The following MYOM1 variants were observed in gnomAD, a reference collection of about 807,000 sequenced individuals.
MYOM1 encodes myomesin-1.
A neutral mutation model predicts 205.3 loss-of-function variants in MYOM1; 164 were observed. The ratio of observed to expected loss-of-function variants is 0.80; its 90% CI spans 0.70 to 0.91. The LOEUF (loss-of-function observed/expected upper bound fraction) is 0.91, where lower values mean the gene tolerates loss of function less well. Among genes scored for constraint, MYOM1 ranks in the 40% least tolerant of loss-of-function variants. MYOM1 has a pLI of 0.00. For synonymous variants in MYOM1, 772 were observed against 789.4 expected, an observed-to-expected ratio of 0.98 and a Z score of 0.37; for missense variants, 2,011 against 2,127.3, an observed-to-expected ratio of 0.95 and a Z score of 1.08.
chr18:3,093,054 C>T (rs752445249), intron 26 of MYOM1, among the ~76,000 whole-genome samples: 23 of 152,022 alleles, frequency 1.5e-4, no homozygotes, highest in Middle Eastern at 3.2e-3. Flanking sequence ...GGAGAGGAGA[C>T]GGGTCGCAGT....
At chr18:3,151,567 GA>G (rs1567936289) in intron 12 of MYOM1, 126 bp downstream of exon 12, 2 of 746,474 alleles carry the variant, frequency 2.7e-6, no homozygotes, top group Non-Finnish European at 3.9e-6. Flanking sequence ...ATTTTCTGAT[GA>G]AAAAAGGATT....
chr18:3,096,927 G>T (rs1166195176), intron 25 of MYOM1, among the ~76,000 whole-genome samples: 1 of 151,932 alleles, frequency 6.6e-6, no homozygotes, highest in Non-Finnish European at 1.5e-5. Flanking sequence ...TTTTAGCTTT[G>T]TGCATTTCTA....
intron 2 of MYOM1, among the ~76,000 whole-genome samples, chr18:3,200,152 G>A (rs1841189816): frequency 6.6e-6 from 1 of 152,062 alleles, no homozygotes; most frequent in Non-Finnish European, 1.5e-5. Flanking sequence ...CTGGGCAACA[G>A]AGTGAGACTC....
intron 30 of MYOM1, 49 bp downstream of exon 30, chr18:3,085,989 T>C (rs2143692307): frequency 8.3e-7 from 1 of 1,198,638 alleles, no homozygotes; most frequent in Non-Finnish European, 1.2e-6. Flanking sequence ...TGGGGTAAGA[T>C]AGAGGGTAGA....
At chr18:3,138,493 A>G (rs780744453) in intron 14 of MYOM1, among the ~76,000 whole-genome samples, 4 of 152,214 alleles carry the variant, frequency 2.6e-5, no homozygotes, top group Non-Finnish European at 5.9e-5. Context: ...TTCGTCTTCT[A>G]TGAAACGAGC....
intron 29 of MYOM1, among the ~76,000 whole-genome samples, chr18:3,087,360 C>T (rs2079165852): frequency 6.6e-6 from 1 of 151,792 alleles, no homozygotes; most frequent in Non-Finnish European, 1.5e-5. Flanking sequence ...CTGCACCTGC[C>T]CAAAGTGGAT....
intron 20 of MYOM1, 138 bp downstream of exon 20, chr18:3,119,731 T>G (rs754251408): frequency 2.1e-4 from 225 of 1,074,242 alleles, no homozygotes; most frequent in Non-Finnish European, 2.5e-4. Flanking sequence ...TTAAAATATT[T>G]TAGGTAAACA....
intron 20 of MYOM1, among the ~76,000 whole-genome samples, chr18:3,118,973 A>T (rs533249559): frequency 3.9e-5 from 6 of 152,328 alleles, no homozygotes; most frequent in South Asian, 4.1e-4. Flanking sequence ...AGGAAGCAAG[A>T]GGCACCAGGG....
At chr18:3,091,315 TAAA>T (rs747420612) in intron 26 of MYOM1, among the ~76,000 whole-genome samples, 3 of 138,346 alleles carry the variant, frequency 2.2e-5, no homozygotes, top group Admixed American at 7.3e-5. Context: ...AAACTCTGTC[TAAA>T]AAAAAAAAAA....
chr18:3,102,422 A>AT, intron 23 of MYOM1, 52 bp downstream of exon 23: 1 of 1,514,544 alleles, frequency 6.6e-7, no homozygotes, highest in Admixed American at 2.1e-5. Context: ...AGCTCACCTC[A>AT]TTCTCCTACA....
chr18:3,131,592 AT>A, intron 16 of MYOM1, 96 bp from the exon 17 acceptor site: 1 of 1,126,052 alleles, frequency 8.9e-7, no homozygotes, highest in South Asian at 1.6e-5. Flanking sequence ...TATGAAAACA[AT>A]TCTTTTTTTT....
intron 19 of MYOM1, among the ~76,000 whole-genome samples, chr18:3,121,902 T>A (rs1301153758): frequency 1.3e-5 from 2 of 152,124 alleles, no homozygotes; most frequent in Non-Finnish European, 2.9e-5. Flanking sequence ...GCGGATCACT[T>A]GAGGTCAGGA....
intron 2 of MYOM1, among the ~76,000 whole-genome samples, chr18:3,198,503 T>C (rs147180755): frequency 1.3e-3 from 198 of 152,294 alleles, no homozygotes; most frequent in African/African-American, 4.5e-3. Context: ...TAAAGATTTA[T>C]GGCCAGGCGC....
upstream of MYOM1, among the ~76,000 whole-genome samples, chr18:3,222,823 T>C (rs1322578173): frequency 6.6e-6 from 1 of 152,188 alleles, no homozygotes; most frequent in Non-Finnish European, 1.5e-5. Context: ...AGTCCTGGGT[T>C]CCATCCTCTG....
rs1001101560 is a variant in MYOM1, at chr18:3,075,866, G to A, written c.4649-105C>T. On this transcript the variant is annotated intron_variant, in intron 34 of 37. Coordinates refer to ENST00000356443, the MANE Select transcript of MYOM1 (RefSeq NM_003803.4). Reference sequence around the variant, plus strand: ...AGATTGCTGTGATCGGTCCAGACATGACTAAACCGACTTTGATTAAGACTG... The same window carrying A: ...AGATTGCTGTGATCGGTCCAGACATAACTAAACCGACTTTGATTAAGACTG... The A allele has an allele frequency of 6.2e-6, 6 of 964,252 alleles. No homozygotes were observed. The African/African-American group carries it at 9.8e-5, about 16-fold the overall frequency. 59.7% of individuals were successfully genotyped at this position (964,252 alleles called of 1,614,324 possible).
At chr18:3,132,174 C>T (rs112795454) in intron 16 of MYOM1, among the ~76,000 whole-genome samples, 22,174 of 147,802 alleles carry the variant, frequency 0.15, 1,849 homozygotes, top group East Asian at 0.33. Context: ...TATTTTGAGA[C>T]GGAGTCTCGC....
At chr18:3,217,990 T>A (rs940974614) in intron 1 of MYOM1, among the ~76,000 whole-genome samples, 1 of 152,134 alleles carries the variant, frequency 6.6e-6, no homozygotes. Context: ...GTTTGCTCTA[T>A]AAGGAACATG....
chr18:3,168,146 C>T (rs2144064422), intron 9 of MYOM1, among the ~76,000 whole-genome samples: 1 of 152,246 alleles, frequency 6.6e-6, no homozygotes, highest in Non-Finnish European at 1.5e-5. Flanking sequence ...TGAAATTCTT[C>T]TGAATGTACT....
intron 2 of MYOM1, among the ~76,000 whole-genome samples, chr18:3,201,700 T>A (rs1025158951): frequency 1.3e-5 from 2 of 150,936 alleles, no homozygotes; most frequent in Admixed American, 6.6e-5. Context: ...CAGGCTGGAG[T>A]GCAATGGCGT....
Sources: gnomAD v4.1 joint callset for allele counts (sites outside exome capture counted in the v4.1 genomes callset) on GRCh38, gnomAD v4.1.1 for gene constraint, MANE v1.5 for transcripts, NCBI Gene and HGNC (gene_info 2026-07-23, HGNC 2026-07-21) for gene names.